The following GRM7 variants were observed in gnomAD, a reference collection of about 807,000 sequenced individuals.
GRM7 encodes the protein metabotropic glutamate receptor 7.
In GRM7, 35 loss-of-function variants were observed where a neutral mutation model predicts 84.5. The observed-to-expected ratio is 0.41, with a 90% CI of 0.32 to 0.55. The LOEUF is 0.55. GRM7 is among the 20% of genes least tolerant of loss of function. GRM7 has a pLI of 0.19. For missense variants in GRM7, 1,003 were observed against 1,194.6 expected, an observed-to-expected ratio of 0.84 and a Z score of 2.36; for synonymous variants, 487 against 455.1, an observed-to-expected ratio of 1.07 and a Z score of -0.89.
At chr3:7,550,888 C>T (rs758934057) in intron 7 of GRM7, among the ~76,000 whole-genome samples, 1 of 151,962 alleles carries the variant, frequency 6.6e-6, no homozygotes, top group Non-Finnish European at 1.5e-5. Context: ...TCTCTAAGCC[C>T]CACTCTCCTA....
intron 2 of GRM7, among the ~76,000 whole-genome samples, chr3:7,217,726 T>A (rs956785429): frequency 2.7e-5 from 4 of 149,374 alleles, no homozygotes; most frequent in African/African-American, 9.7e-5. Context: ...TTACTAATTA[T>A]AATATAAAAT....
intron 5 of GRM7, among the ~76,000 whole-genome samples, chr3:7,438,905 A>G (rs573119659): frequency 6.8e-4 from 103 of 152,290 alleles, no homozygotes; most frequent in Non-Finnish European, 1.3e-3. Context: ...CAAGAGTTTA[A>G]TTGTAGACAT....
chr3:7,394,640 C>T lies in GRM7; in HGVS notation c.1034-20383C>T, dbSNP rs1257606104. 8.4e-4 allele frequency among the ~76,000 whole-genome samples: 9 copies of T among 10,652 alleles called. No individual in the cohort carries two copies. In the South Asian group the frequency reaches 0.019, roughly 22 times the overall value. 7.0% of individuals were successfully genotyped at this position (10,652 alleles called of 152,430 possible). On this transcript the variant is annotated intron_variant, in intron 4 of 9. Transcript: ENST00000357716. The stretch of plus-strand genomic sequence containing the variant: ...TAAAAATAGGGAAAATACTTTTCCA[C>T]GTGGGATCTTGCAGGCAGCACTCAA...
At chr3:6,914,702 T>A (rs770681831) in intron 1 of GRM7, among the ~76,000 whole-genome samples, 12 of 152,104 alleles carry the variant, frequency 7.9e-5, no homozygotes, top group Non-Finnish European at 1.5e-4. Flanking sequence ...TGCCCGGCCC[T>A]ATTTTCACAT....
At chr3:7,739,337 G>A (rs112382861) in intron 9 of GRM7, among the ~76,000 whole-genome samples, 3,232 of 152,252 alleles carry the variant, frequency 0.021, 105 homozygotes, top group African/African-American at 0.072. Flanking sequence ...ATGAATCCCT[G>A]CTTAAGAGTT....
intron 1 of GRM7, among the ~76,000 whole-genome samples, chr3:7,052,040 A>T (rs61404475): frequency 0.14 from 20,503 of 151,720 alleles, 2,002 homozygotes; most frequent in African/African-American, 0.28. Flanking sequence ...ATAACAAATT[A>T]TGTTAGGAAA....
chr3:6,902,811 C>A (rs62235378), intron 1 of GRM7, among the ~76,000 whole-genome samples: 1 of 150,064 alleles, frequency 6.7e-6, no homozygotes. Context: ...TAGTATGTAC[C>A]CTTGAGTTTA....
At chr3:7,145,578 T>C (rs1574958742) in intron 1 of GRM7, among the ~76,000 whole-genome samples, 1 of 152,176 alleles carries the variant, frequency 6.6e-6, no homozygotes, top group African/African-American at 2.4e-5. Flanking sequence ...TTTCCAATGA[T>C]GCTAAGAAAT....
chr3:7,271,267 T>C (rs1382020213), intron 2 of GRM7, among the ~76,000 whole-genome samples: 2 of 152,146 alleles, frequency 1.3e-5, no homozygotes, highest in East Asian at 3.9e-4. Flanking sequence ...TCGTTAGAAA[T>C]GCAGAATCTC....
chr3:6,932,372 T>C (rs149315165), intron 1 of GRM7, among the ~76,000 whole-genome samples: 190 of 152,276 alleles, frequency 1.2e-3, no homozygotes, highest in African/African-American at 4.4e-3. Flanking sequence ...TTTTTGTCCA[T>C]TTGCAAAGGT....
intron 7 of GRM7, among the ~76,000 whole-genome samples, chr3:7,562,736 T>C (rs1331484405): frequency 6.6e-6 from 1 of 152,136 alleles, no homozygotes; most frequent in African/African-American, 2.4e-5. Flanking sequence ...TCAAATGGAT[T>C]AGAAAGCACT....
At chr3:7,692,244 T>C (rs1338643796) in intron 9 of GRM7, among the ~76,000 whole-genome samples, 1 of 152,168 alleles carries the variant, frequency 6.6e-6, no homozygotes, top group Non-Finnish European at 1.5e-5. Flanking sequence ...TATGAACCAC[T>C]ACATGTGATT....
intron 8 of GRM7, among the ~76,000 whole-genome samples, chr3:7,635,274 CTT>C (rs879549738): frequency 1.3e-5 from 2 of 152,150 alleles, no homozygotes; most frequent in Non-Finnish European, 2.9e-5. Context: ...GTAGATGGGA[CTT>C]TGAAAAATCT....
chr3:7,235,386 G>T (rs1171903560), intron 2 of GRM7, among the ~76,000 whole-genome samples: 1 of 152,112 alleles, frequency 6.6e-6, no homozygotes, highest in Non-Finnish European at 1.5e-5. Context: ...CACTTCTTAA[G>T]CATCTCGGAA....
intron 2 of GRM7, among the ~76,000 whole-genome samples, chr3:7,243,322 G>A (rs1000030242): frequency 3.2e-4 from 49 of 151,978 alleles, no homozygotes; most frequent in Admixed American, 1.3e-4. Flanking sequence ...GTAAGGTTGA[G>A]GCTTGATTCA....
intron 1 of GRM7, among the ~76,000 whole-genome samples, chr3:6,887,630 T>C (rs1300097892): frequency 2.0e-5 from 3 of 152,198 alleles, no homozygotes; most frequent in Admixed American, 1.3e-4. Flanking sequence ...CAGTCTATCA[T>C]TGCTGGACAT....
intron 5 of GRM7, among the ~76,000 whole-genome samples, chr3:7,435,175 T>C (rs1004193544): frequency 2.0e-5 from 3 of 151,944 alleles, no homozygotes; most frequent in African/African-American, 7.3e-5. Context: ...TTTTTTTTTT[T>C]GGGCGGGGGA....
intron 1 of GRM7, among the ~76,000 whole-genome samples, chr3:6,896,637 A>G (rs141357423): frequency 1.3e-5 from 2 of 152,094 alleles, no homozygotes; most frequent in Non-Finnish European, 2.9e-5. Flanking sequence ...TTTGCTTTCC[A>G]CTTTAGAGAG....
chr3:7,613,424 G>T (rs1341610837), intron 8 of GRM7, among the ~76,000 whole-genome samples: 1 of 152,148 alleles, frequency 6.6e-6, no homozygotes, highest in Non-Finnish European at 1.5e-5. Flanking sequence ...AGCCCAGATG[G>T]TGGCTGGGCT....
Sources: allele counts gnomAD v4.1 joint callset (sites outside exome capture counted in the v4.1 genomes callset), GRCh38; gene constraint gnomAD v4.1.1; transcripts MANE v1.5; gene names NCBI Gene and HGNC (gene_info 2026-07-23, HGNC 2026-07-21).